The following JARID2 variants were observed in gnomAD, a reference collection of about 807,000 sequenced individuals.
JARID2 encodes the protein protein Jumonji.
In JARID2, 21 loss-of-function variants were observed where a neutral mutation model predicts 125.6. That is an observed-to-expected ratio of 0.17 (90% CI 0.12 to 0.24). The LOEUF is 0.24. JARID2 is among the 10% of genes least tolerant of loss of function. The pLI is 1.00. For missense variants in JARID2, 1,303 were observed against 1,639.6 expected (o/e 0.79, Z 3.55); for synonymous variants, 736 against 661.6 (o/e 1.11, Z -1.73).
chr6:15,377,569 G>A (rs1369010726), intron 2 of JARID2, among the ~76,000 whole-genome samples: 2 of 152,052 alleles, frequency 1.3e-5, no homozygotes, highest in Non-Finnish European at 1.5e-5. Flanking sequence ...GGGTTCAAGC[G>A]ATTATCCTGT....
chr6:15,428,183 C>T (rs1011817562), intron 3 of JARID2, among the ~76,000 whole-genome samples: 1 of 152,030 alleles, frequency 6.6e-6, no homozygotes, highest in Non-Finnish European at 1.5e-5. Context: ...TTTTTCTACA[C>T]AATAAGGTAA....
chr6:15,486,788 T>G (rs1301895643), intron 5 of JARID2, among the ~76,000 whole-genome samples: 1 of 147,502 alleles, frequency 6.8e-6, no homozygotes, highest in Non-Finnish European at 1.5e-5. Context: ...ATGCATCTCT[T>G]TTAAATCTGA....
rs1771764013 is a variant in JARID2 at position 15,520,150 on chromosome 6, C to A, written c.3640C>A (p.Pro1214Thr). The part of the protein sequence containing the change: ...NGSIENCLSK[P>T]TPKRGPRKRA... ...CAGCATTGAGAACTGTCTCAGTAAA[C>A]CCACACCAAAAAGAGGTCCCCGCAA... Residue 1214 changes from proline to threonine, a missense_variant, in exon 18 of 18, where the codon CCC becomes ACC. Transcript: ENST00000341776. 6.2e-7 allele frequency: 1 copy of A among 1,614,024 alleles called. No homozygotes were observed. The highest frequency in any genetic ancestry group is 8.5e-7 in the Non-Finnish European group (1 of 1,179,946).
chr6:15,338,673 C>T (rs1185564853), intron 1 of JARID2, among the ~76,000 whole-genome samples: 1 of 152,172 alleles, frequency 6.6e-6, no homozygotes, highest in Non-Finnish European at 1.5e-5. Context: ...TCTAGCCCTG[C>T]CCCTATGGTC....
At chr6:15,372,987 G>A (rs1013916057) in intron 1 of JARID2, among the ~76,000 whole-genome samples, 8 of 152,112 alleles carry the variant, frequency 5.3e-5, no homozygotes, top group Non-Finnish European at 8.8e-5. Flanking sequence ...GATTACAGGC[G>A]TGAGGCACCA....
chr6:15,474,042 T>C (rs1466105465), intron 5 of JARID2, among the ~76,000 whole-genome samples: 3 of 152,196 alleles, frequency 2.0e-5, no homozygotes, highest in Non-Finnish European at 2.9e-5. Flanking sequence ...TGTGCTGCCT[T>C]CCCCAGTCTA....
chr6:15,450,084 A>T (rs1026946108), intron 3 of JARID2, among the ~76,000 whole-genome samples: 1 of 152,196 alleles, frequency 6.6e-6, no homozygotes, highest in African/African-American at 2.4e-5. Context: ...ACAGTTTAAG[A>T]TAAATGCTTA....
intron 1 of JARID2, among the ~76,000 whole-genome samples, chr6:15,266,807 A>C (rs796162589): frequency 6.6e-5 from 10 of 152,306 alleles, no homozygotes; most frequent in African/African-American, 2.4e-4. Context: ...AGACCTCGCC[A>C]GTGGCCTGCC....
intron 4 of JARID2, among the ~76,000 whole-genome samples, chr6:15,461,051 TACCGTGATGGCTTGAGC>T (rs1205015030): frequency 6.6e-6 from 1 of 152,184 alleles, no homozygotes; most frequent in Non-Finnish European, 1.5e-5. Context: ...CTTGAGATAA[TACCGTGATGGCTTGAGC>T]ACCATCATGG....
chr6:15,309,496 G>T (rs150379846), intron 1 of JARID2, among the ~76,000 whole-genome samples: 9 of 151,996 alleles, frequency 5.9e-5, no homozygotes, highest in Admixed American at 5.9e-4. Context: ...ATTATGGAAC[G>T]TCTGTTCCGT....
intron 1 of JARID2, among the ~76,000 whole-genome samples, chr6:15,270,760 C>CTAGTTT (rs935336749): frequency 1.3e-5 from 2 of 151,998 alleles, no homozygotes; most frequent in Non-Finnish European, 2.9e-5. Context: ...CTAGCCTGGG[C>CTAGTTT]CACATGGTGA....
chr6:15,290,862 C>T (rs554022178), intron 1 of JARID2, among the ~76,000 whole-genome samples: 97 of 152,300 alleles, frequency 6.4e-4, no homozygotes, highest in African/African-American at 1.7e-3. Context: ...CCTCGTGATC[C>T]GCCTGCCTCG....
intron 11 of JARID2, among the ~76,000 whole-genome samples, chr6:15,507,802 G>GC (rs1023568022): frequency 1.1e-4 from 16 of 152,224 alleles, no homozygotes; most frequent in African/African-American, 3.9e-4. Context: ...TTCAGGGAAA[G>GC]CCAAGGGGTC....
intron 2 of JARID2, among the ~76,000 whole-genome samples, chr6:15,391,373 G>C (rs1186466108): frequency 6.6e-6 from 1 of 152,182 alleles, no homozygotes; most frequent in East Asian, 1.9e-4. Context: ...TGAAGTCTCT[G>C]AGGAGCCCTA....
At position 15,246,608 on chromosome 6, in the gene JARID2, C is replaced by CT. The variant is rs780970135; in HGVS notation, c.45+27dup. 17 of 1,594,300 alleles carry CT rather than the reference C, an allele frequency of 1.1e-5. No individual in the cohort carries two copies. In the South Asian group the frequency reaches 1.8e-4, roughly 17 times the overall value. ...ACGTAAGTGCTCCTAACAACACATC[C>CT]TTTGACTTGCAGTTTTAAGCAATGG... On this transcript the variant is annotated intron_variant, in intron 1 of 17. Coordinates refer to ENST00000341776, the MANE Select transcript of JARID2 (RefSeq NM_004973.4).
chr6:15,444,690 G>A (rs556613265), intron 3 of JARID2, among the ~76,000 whole-genome samples: 1 of 150,742 alleles, frequency 6.6e-6, no homozygotes, highest in East Asian at 1.9e-4. Flanking sequence ...CACAAAGAGC[G>A]CAGCCATGCC....
chr6:15,277,949 T>TA (rs1371268997), intron 1 of JARID2, among the ~76,000 whole-genome samples: 4 of 151,828 alleles, frequency 2.6e-5, no homozygotes, highest in Non-Finnish European at 4.4e-5. Flanking sequence ...AAAAACCCCA[T>TA]AAAAAAGGTG....
chr6:15,343,925 C>T (rs1187574626), intron 1 of JARID2, among the ~76,000 whole-genome samples: 2 of 152,048 alleles, frequency 1.3e-5, no homozygotes, highest in East Asian at 3.9e-4. Context: ...CCTGGGAGGA[C>T]CTTTTACTTA....
chr6:15,385,136 G>A (rs1314263370), intron 2 of JARID2, among the ~76,000 whole-genome samples: 1 of 152,198 alleles, frequency 6.6e-6, no homozygotes, highest in Non-Finnish European at 1.5e-5. Flanking sequence ...CTGGCCACTT[G>A]ATTGGGCCCC....
Sources: gnomAD v4.1 joint callset for allele counts (sites outside exome capture counted in the v4.1 genomes callset) on GRCh38, gnomAD v4.1.1 for gene constraint, MANE v1.5 for transcripts, NCBI Gene and HGNC (gene_info 2026-07-23, HGNC 2026-07-21) for gene names.